NUP93: variants seen among roughly 807,000 people sequenced by gnomAD.
NUP93 encodes nucleoporin 93.
In NUP93, 55 loss-of-function variants were observed where a neutral mutation model predicts 107.8. The observed-to-expected ratio is 0.51, with a 90% CI of 0.41 to 0.64. The LOEUF is 0.64. Ranked by LOEUF, NUP93 falls within the 30% of genes least tolerant of loss-of-function variation. The pLI is 0.00. For synonymous variants in NUP93, 390 were observed against 397.5 expected (o/e 0.98, Z 0.22); for missense variants, 937 against 1,044.7 (o/e 0.90, Z 1.42).
rs1962103955 is a variant in NUP93 at position 56,760,491 on chromosome 16, C to A, written c.297+1836C>A. ...AAACCAGCATCTGCTTCTGGGGAGGCCTCAGGGAGCTTTTACTCATGGCAA... is the reference window on the plus strand; with the variant it reads ...AAACCAGCATCTGCTTCTGGGGAGGACTCAGGGAGCTTTTACTCATGGCAA... On this transcript the variant is annotated intron_variant, in intron 3 of 21. Coordinates refer to ENST00000308159, the MANE Select transcript of NUP93 (RefSeq NM_014669.5). 2.0e-5 allele frequency among the ~76,000 whole-genome samples: 3 copies of A among 152,010 alleles called. No individual in the cohort carries two copies. In the South Asian group the frequency reaches 6.2e-4, roughly 32 times the overall value.
At chr16:56,824,800 A>T (rs1365666292) in intron 8 of NUP93, among the ~76,000 whole-genome samples, 1 of 152,188 alleles carries the variant, frequency 6.6e-6, no homozygotes, top group Non-Finnish European at 1.5e-5. Context: ...ACTGAAATGA[A>T]CACCATCAGA....
chr16:56,839,050 A>G lies in NUP93; in HGVS notation c.2117A>G (p.His706Arg). ...TTTTTTGACGAGTATCATAGTGGTC[A>G]TATTGATAGAGCTTTTGATGTAAGT... ...ITFFDEYHSGHIDRAFDIIER... is the reference protein window; with the variant it reads ...ITFFDEYHSGRIDRAFDIIER... Residue 706 changes from histidine to arginine, a missense_variant, in exon 19 of 22, where the codon CAT becomes CGT. Transcript: ENST00000308159. 2 of 1,612,488 alleles carry G rather than the reference A, an allele frequency of 1.2e-6. No individual in the cohort carries two copies. The highest frequency in any genetic ancestry group is 1.7e-6 in the Non-Finnish European group (2 of 1,178,664).
chr16:56,842,116 C>T (rs1445293421), intron 21 of NUP93, among the ~76,000 whole-genome samples: 1 of 152,196 alleles, frequency 6.6e-6, no homozygotes, highest in Non-Finnish European at 1.5e-5. Context: ...TAAGAACTTC[C>T]TGCACATTTT....
At position 56,839,562 on chromosome 16, in the gene NUP93, T is replaced by C. The variant is rs1172642203; in HGVS notation, c.2178T>C (p.Ser726=). 7.4e-6 allele frequency: 12 copies of C among 1,613,886 alleles called. No homozygotes were observed. Among genetic ancestry groups the C allele is most frequent in the African/African-American group, 2.7e-5 (2 of 74,920 alleles). ...RLKLVPLNQE[S]VEERVAAFRN... ...AGCTGGTGCCCCTGAATCAGGAAAG[T>C]GTGGAAGAGAGAGTGGCTGCCTTCA... Residue 726 remains serine, a synonymous_variant, in exon 20 of 22, where the codon AGT becomes AGC. Transcript: ENST00000308159.
intron 3 of NUP93, among the ~76,000 whole-genome samples, chr16:56,771,657 T>C (rs2144504896): frequency 6.6e-6 from 1 of 152,342 alleles, no homozygotes; most frequent in East Asian, 1.9e-4. Flanking sequence ...TTTGGCGTGA[T>C]TGGCTTCTGT....
intron 21 of NUP93, among the ~76,000 whole-genome samples, chr16:56,842,119 C>T (rs1964037958): frequency 6.6e-6 from 1 of 152,230 alleles, no homozygotes; most frequent in Non-Finnish European, 1.5e-5. Flanking sequence ...GAACTTCCTG[C>T]ACATTTTAAA....
chr16:56,808,874 A>G (rs1452804188), intron 5 of NUP93, among the ~76,000 whole-genome samples: 1 of 149,464 alleles, frequency 6.7e-6, no homozygotes, highest in African/African-American at 2.4e-5. Flanking sequence ...TGGTTGTATC[A>G]TTCAGATATT....
At chr16:56,757,517 A>G (rs1962047571) in intron 2 of NUP93, among the ~76,000 whole-genome samples, 2 of 152,208 alleles carry the variant, frequency 1.3e-5, no homozygotes, top group East Asian at 3.9e-4. Context: ...CCACCACTAC[A>G]CTACGAGTTC....
chr16:56,840,107 A>C (rs761597227), intron 20 of NUP93, among the ~76,000 whole-genome samples: 1 of 151,762 alleles, frequency 6.6e-6, no homozygotes, highest in African/African-American at 2.4e-5. Flanking sequence ...TGCAAGCTCT[A>C]CCTCCCGGGT....
Position 56,805,614 on chromosome 16 carries a change from C to T in NUP93, c.471C>T (p.Asp157=), listed in dbSNP as rs1474529042. The stretch of plus-strand genomic sequence containing the variant: ...TGGCATCAGGAGAAGACGCCCTTGA[C>T]TTTACTCAAGAAAGCGAGGTAGCTT... ...TLLASGEDAL[D]FTQESEPSYI... is the part of the protein sequence containing the mutation. Residue 157 remains aspartate (D), a synonymous_variant, in exon 5 of 22, where the codon GAC becomes GAT. Transcript: ENST00000308159. 6.2e-7 allele frequency: 1 copy of T among 1,613,944 alleles called. No homozygotes were observed. The highest frequency in any genetic ancestry group is 2.2e-5 in the East Asian group (1 of 44,878).
At chr16:56,840,253 C>G in intron 20 of NUP93, among the ~76,000 whole-genome samples, 1 of 152,202 alleles carries the variant, frequency 6.6e-6, no homozygotes, top group East Asian at 1.9e-4. Flanking sequence ...ATCTTCTGAC[C>G]TCGTGATCTG....
At position 56,848,947 on chromosome 16, in the gene NUP93, A is replaced by T. The variant is rs1257220787; in HGVS notation, c.*4338A>T. 6.8e-6 allele frequency: 1 copy of T among 147,770 alleles called. No individual in the cohort carries two copies. Among genetic ancestry groups the T allele is most frequent in the African/African-American group, 2.4e-5 (1 of 41,180 alleles). 9.2% of individuals were successfully genotyped at this position (147,770 alleles called of 1,614,324 possible). A position where few individuals can be genotyped will look rare whatever the true frequency, so the allele number is the denominator to read the frequency against. On this transcript the variant is annotated 3_prime_UTR_variant, in exon 22 of 22. Coordinates refer to ENST00000308159, the MANE Select transcript of NUP93 (RefSeq NM_014669.5). ...ACTCGTGGTTCTAAGTTGCTAACCC[A>T]GGGAAAGAGGATATTTTCCTGTCCT...
rs114818014 is a variant in NUP93 at position 56,732,145 on chromosome 16, C to G, written c.-15+1934C>G. 4.3e-3 allele frequency among the ~76,000 whole-genome samples: 654 copies of G among 152,302 alleles called. 6 individuals are homozygous for G. Among genetic ancestry groups the G allele is most frequent in the African/African-American group, 0.015 (605 of 41,560 alleles). On this transcript the variant is annotated intron_variant, in intron 1 of 21. Coordinates refer to ENST00000308159, the MANE Select transcript of NUP93 (RefSeq NM_014669.5). Reference sequence around the variant, plus strand: ...AGGGAGGCACCTAGTGAGGCTTTCCCCATTTCCCGCCTCCCTTCATTGCTT... The same window carrying G: ...AGGGAGGCACCTAGTGAGGCTTTCCGCATTTCCCGCCTCCCTTCATTGCTT...
intron 1 of NUP93, among the ~76,000 whole-genome samples, chr16:56,736,824 G>C (rs1230698285): frequency 6.6e-6 from 1 of 152,200 alleles, no homozygotes; most frequent in Admixed American, 6.5e-5. Flanking sequence ...AGGGAATTTA[G>C]AGCAATATTA....
Position 56,830,466 on chromosome 16 carries a change from C to CACATATGA in NUP93, c.928-60_928-53dup. 4 of 1,466,800 alleles carry CACATATGA rather than the reference C, an allele frequency of 2.7e-6. No homozygotes were observed. The South Asian group carries it at 5.6e-5, about 21-fold the overall frequency. The allele number at this position is 1,466,800 out of a possible 1,614,324, so 90.9% of individuals were successfully genotyped here. A position where few individuals can be genotyped will look rare whatever the true frequency, so the allele number is the denominator to read the frequency against. ...GGAGAGGGGCTTAGCTCGGTTTTAG[C>CACATATGA]ACATATGAAAGCAGTCAGCCTTTCC... On this transcript the variant is annotated intron_variant, in intron 9 of 21. Transcript: ENST00000308159.
chr16:56,842,843 G>C (rs987224486), intron 21 of NUP93: 4 of 299,148 alleles, frequency 1.3e-5, no homozygotes, highest in Non-Finnish European at 2.6e-5. Context: ...GTGAGCCACC[G>C]TTCCCGGCCC....
In NUP93 at chr16:56,847,930, G is replaced by C. The variant is rs1964134998; in HGVS notation, c.*3321G>C. The C allele has an allele frequency of 6.6e-6, 1 of 152,148 alleles. No homozygotes were observed. The highest frequency in any genetic ancestry group is 2.4e-5 in the African/African-American group (1 of 41,442). 9.4% of individuals were successfully genotyped at this position (152,148 alleles called of 1,614,324 possible). On this transcript the variant is annotated 3_prime_UTR_variant, in exon 22 of 22. Coordinates refer to ENST00000308159, the MANE Select transcript of NUP93 (RefSeq NM_014669.5). The stretch of plus-strand genomic sequence containing the variant: ...GGCAGCTTTAAAGCAAAGAACTACA[G>C]ACTTTTCCGCAGTGTCCAGCATTTG...
At chr16:56,755,850 G>T (rs1382590484) in intron 2 of NUP93, among the ~76,000 whole-genome samples, 2 of 152,086 alleles carry the variant, frequency 1.3e-5, no homozygotes, top group African/African-American at 4.8e-5. Context: ...ACTCCTTCCT[G>T]GGCAACAGAG....
At chr16:56,782,030 C>G in intron 3 of NUP93, 1 of 985,424 alleles carries the variant, frequency 1.0e-6, no homozygotes. Context: ...CCTTTTTCTT[C>G]TTTCTCTCTT....
Sources: allele counts gnomAD v4.1 joint callset (sites outside exome capture counted in the v4.1 genomes callset), GRCh38; gene constraint gnomAD v4.1.1; transcripts MANE v1.5; gene names NCBI Gene and HGNC (gene_info 2026-07-23, HGNC 2026-07-21).